KCTD16: variants seen among roughly 807,000 people sequenced by gnomAD.
KCTD16 encodes the protein potassium channel tetramerization domain containing 16.
A neutral mutation model predicts 33.2 loss-of-function variants in KCTD16; 13 were observed. That is an observed-to-expected ratio of 0.39 (90% CI 0.25 to 0.62). KCTD16 has a LOEUF of 0.62. Among genes scored for constraint, KCTD16 ranks in the 20% least tolerant of loss-of-function variants. KCTD16 has a pLI of 0.50. For missense variants in KCTD16, 441 were observed against 525.1 expected, an observed-to-expected ratio of 0.84 and a Z score of 1.57; for synonymous variants, 197 against 195.3, an observed-to-expected ratio of 1.01 and a Z score of -0.07.
chr5:144,282,428 AGT>A (rs1169929838), intron 3 of KCTD16, among the ~76,000 whole-genome samples: 1 of 152,056 alleles, frequency 6.6e-6, no homozygotes, highest in East Asian at 1.9e-4. Context: ...TAAATCAGTA[AGT>A]GTAAGTAAAG....
chr5:144,241,965 T>A (rs1268243864), intron 3 of KCTD16, among the ~76,000 whole-genome samples: 2 of 152,152 alleles, frequency 1.3e-5, no homozygotes, highest in Admixed American at 6.6e-5. Flanking sequence ...AAGACTCCCG[T>A]TCTGTTCTTG....
intron 3 of KCTD16, among the ~76,000 whole-genome samples, chr5:144,256,030 C>A (rs190657115): frequency 1.4e-4 from 21 of 152,274 alleles, no homozygotes; most frequent in African/African-American, 5.1e-4. Context: ...CAGTACCGTA[C>A]CTGTGCTTGT....
intron 2 of KCTD16, among the ~76,000 whole-genome samples, chr5:144,184,051 C>T (rs1314739947): frequency 6.6e-6 from 1 of 152,104 alleles, no homozygotes; most frequent in Non-Finnish European, 1.5e-5. Context: ...GTGATGCCTA[C>T]AGAACTATAA....
intron 3 of KCTD16, among the ~76,000 whole-genome samples, chr5:144,277,957 T>A (rs911400517): frequency 6.6e-6 from 1 of 152,328 alleles, no homozygotes; most frequent in African/African-American, 2.4e-5. Context: ...TATTTGTGGC[T>A]ATTTTCTCCC....
At chr5:144,451,632 A>G (rs1377868796) in intron 3 of KCTD16, among the ~76,000 whole-genome samples, 1 of 152,200 alleles carries the variant, frequency 6.6e-6, no homozygotes, top group African/African-American at 2.4e-5. Context: ...TAACACTTCT[A>G]TTGAAACAGA....
rs1326923334 is a variant in KCTD16 at position 144,299,128 on chromosome 5, ATATATATATATATATATATATTTTTT to A, written c.832+91584_832+91609del. 7.7e-4 allele frequency among the ~76,000 whole-genome samples: 21 copies of A among 27,386 alleles called. 1 individual carries two copies. Among genetic ancestry groups the A allele is most frequent in the African/African-American group, 3.4e-3 (15 of 4,368 alleles). The allele number at this position is 27,386 out of a possible 152,430, so 18.0% of individuals were successfully genotyped here. A position where few individuals can be genotyped will look rare whatever the true frequency, so the allele number is the denominator to read the frequency against. On this transcript the variant is annotated intron_variant, in intron 3 of 3. Transcript: ENST00000512467. Reference sequence around the variant, plus strand: ...TATATATATATATATATATATATATATATATATATATATATATATATTTTTTTTTTTTTTTTTAACCTGTCACTGAG... The same window carrying A: ...TATATATATATATATATATATATATATTTTTTTTTTTAACCTGTCACTGAG...
chr5:144,430,266 A>T (rs1301113841), intron 3 of KCTD16, among the ~76,000 whole-genome samples: 1 of 152,162 alleles, frequency 6.6e-6, no homozygotes, highest in Non-Finnish European at 1.5e-5. Context: ...ATTATTTTTT[A>T]AAAATAAAAA....
At chr5:144,225,716 G>C (rs1198246121) in intron 3 of KCTD16, among the ~76,000 whole-genome samples, 1 of 152,114 alleles carries the variant, frequency 6.6e-6, no homozygotes, top group East Asian at 1.9e-4. Context: ...TTTGCCTAGA[G>C]AAAGGGTACA....
chr5:144,239,276 G>A (rs10055013), intron 3 of KCTD16, among the ~76,000 whole-genome samples: 2,263 of 152,228 alleles, frequency 0.015, 55 homozygotes, highest in African/African-American at 0.052. Context: ...GTGTAGCCAT[G>A]ATATCTTTCT....
intron 2 of KCTD16, among the ~76,000 whole-genome samples, chr5:144,192,731 C>G (rs1049245810): frequency 1.3e-5 from 2 of 152,120 alleles, no homozygotes; most frequent in Admixed American, 1.3e-4. Flanking sequence ...CTATGAATAT[C>G]ACTATTTTTG....
At chr5:144,405,734 G>A (rs1362548936) in intron 3 of KCTD16, among the ~76,000 whole-genome samples, 1 of 152,236 alleles carries the variant, frequency 6.6e-6, no homozygotes, top group African/African-American at 2.4e-5. Flanking sequence ...GTTTGGTTGG[G>A]CTTTTGTTGG....
At chr5:144,431,220 C>T (rs1209181983) in intron 3 of KCTD16, among the ~76,000 whole-genome samples, 1 of 152,114 alleles carries the variant, frequency 6.6e-6, no homozygotes. Flanking sequence ...CCTGCATATC[C>T]ATTTAACATG....
chr5:144,318,658 C>T (rs781765099), intron 3 of KCTD16, among the ~76,000 whole-genome samples: 4 of 152,166 alleles, frequency 2.6e-5, no homozygotes, highest in Non-Finnish European at 5.9e-5. Flanking sequence ...ATCTCATCGG[C>T]CCTGCCTGAC....
chr5:144,361,350 A>G (rs1751708581), intron 3 of KCTD16, among the ~76,000 whole-genome samples: 1 of 152,146 alleles, frequency 6.6e-6, no homozygotes, highest in Non-Finnish European at 1.5e-5. Flanking sequence ...TAAGATAGAC[A>G]GTGTTTTTGT....
Position 144,392,006 on chromosome 5 carries a change from A to G in KCTD16, c.833-81654A>G, listed in dbSNP as rs185621045. Reference sequence around the variant, plus strand: ...TTATTTCTTCTCTTGGTGAATTTACAGAGGAAGAAAGGTATTAGGTAAGCC... The same window carrying G: ...TTATTTCTTCTCTTGGTGAATTTACGGAGGAAGAAAGGTATTAGGTAAGCC... On this transcript the variant is annotated intron_variant, in intron 3 of 3. Coordinates refer to ENST00000512467, the MANE Select transcript of KCTD16 (RefSeq NM_020768.4). Among the ~76,000 whole-genome samples, 12 of 152,352 alleles carry G rather than the reference A, an allele frequency of 7.9e-5. No individual in the cohort carries two copies. The East Asian group carries it at 2.3e-3, about 29-fold the overall frequency.
intron 3 of KCTD16, among the ~76,000 whole-genome samples, chr5:144,456,310 G>T (rs375718337): frequency 2.6e-5 from 4 of 152,058 alleles, no homozygotes; most frequent in East Asian, 1.9e-4. Context: ...TAATTTAAAA[G>T]AAAATATTAA....
chr5:144,285,664 A>T (rs1755724791), intron 3 of KCTD16, among the ~76,000 whole-genome samples: 1 of 152,342 alleles, frequency 6.6e-6, no homozygotes, highest in African/African-American at 2.4e-5. Flanking sequence ...CACCCTACAA[A>T]TATGGAACTA....
chr5:144,324,412 AAAGTCAAG>A (rs1168112836), intron 3 of KCTD16, among the ~76,000 whole-genome samples: 1 of 152,192 alleles, frequency 6.6e-6, no homozygotes, highest in Non-Finnish European at 1.5e-5. Flanking sequence ...AGATTATTAA[AAAGTCAAG>A]AACCAACAGA....
At chr5:144,324,006 G>A (rs1177774208) in intron 3 of KCTD16, among the ~76,000 whole-genome samples, 2 of 152,150 alleles carry the variant, frequency 1.3e-5, no homozygotes, top group African/African-American at 4.8e-5. Flanking sequence ...ACTTGGTTAT[G>A]GCTCTAAGTT....
Sources: allele counts gnomAD v4.1 joint callset (sites outside exome capture counted in the v4.1 genomes callset), GRCh38; gene constraint gnomAD v4.1.1; transcripts MANE v1.5; gene names NCBI Gene and HGNC (gene_info 2026-07-23, HGNC 2026-07-21).